The following CNTN1 variants were observed in gnomAD, a reference collection of about 807,000 sequenced individuals.
The protein encoded by CNTN1 is contactin 1.
In CNTN1, 38 loss-of-function variants were observed where a neutral mutation model predicts 126.4. That is an observed-to-expected ratio of 0.30 (90% CI 0.23 to 0.39). The LOEUF (loss-of-function observed/expected upper bound fraction) is 0.39, where lower values mean the gene tolerates loss of function less well. CNTN1 is among the 10% of genes least tolerant of loss of function. The pLI is 1.00. For missense variants in CNTN1, 1,009 were observed against 1,248.4 expected, an observed-to-expected ratio of 0.81 and a Z score of 2.89; for synonymous variants, 413 against 422.6, an observed-to-expected ratio of 0.98 and a Z score of 0.28.
chr12:41,049,744 A>AG (rs1390316254), intron 23 of CNTN1, among the ~76,000 whole-genome samples: 2 of 152,198 alleles, frequency 1.3e-5, no homozygotes, highest in African/African-American at 4.8e-5. Flanking sequence ...GGACTAGATC[A>AG]TATTCATATT....
intron 23 of CNTN1, among the ~76,000 whole-genome samples, chr12:41,053,419 T>G (rs1456932721): frequency 1.4e-5 from 1 of 72,228 alleles, no homozygotes; most frequent in African/African-American, 7.1e-5. Flanking sequence ...CTCTTTCATG[T>G]TTTCACTAAA....
chr12:41,061,299 G>T (rs896917425), intron 23 of CNTN1, among the ~76,000 whole-genome samples: 1 of 152,126 alleles, frequency 6.6e-6, no homozygotes, highest in African/African-American at 2.4e-5. Context: ...CACTCTATTG[G>T]AAATGCTCAC....
intron 1 of CNTN1, among the ~76,000 whole-genome samples, chr12:40,712,058 G>T (rs1450144700): frequency 6.6e-6 from 1 of 152,006 alleles, no homozygotes; most frequent in Non-Finnish European, 1.5e-5. Flanking sequence ...TTACTTCACG[G>T]TTCTTTGCCT....
chr12:40,839,645 A>T (rs1942201495), intron 1 of CNTN1, among the ~76,000 whole-genome samples: 1 of 152,210 alleles, frequency 6.6e-6, no homozygotes, highest in African/African-American at 2.4e-5. Flanking sequence ...AAAAAATGTC[A>T]GTCAAAAATG....
At position 41,054,062 on chromosome 12, in the gene CNTN1, A is replaced by G. The variant is rs547980747; in HGVS notation, c.2981-15897A>G. Among the ~76,000 whole-genome samples, 3 of 151,954 alleles carry G rather than the reference A, an allele frequency of 2.0e-5. No individual in the cohort carries two copies. The South Asian group carries it at 6.2e-4, about 31-fold the overall frequency. ...TTTAGAGGCTAATTCCCTTTCCTCAAAGAAAGAGAAGTTATATTATTCTCA... is the reference window on the plus strand; with the variant it reads ...TTTAGAGGCTAATTCCCTTTCCTCAGAGAAAGAGAAGTTATATTATTCTCA... On this transcript the variant is annotated intron_variant, in intron 23 of 23. Coordinates refer to ENST00000551295, the MANE Select transcript of CNTN1 (RefSeq NM_001843.4).
intron 1 of CNTN1, among the ~76,000 whole-genome samples, chr12:40,770,841 A>G (rs969002650): frequency 3.3e-5 from 5 of 152,138 alleles, no homozygotes; most frequent in African/African-American, 4.8e-5. Flanking sequence ...TCTAAAGCAC[A>G]TGGTATATGC....
At chr12:40,881,261 C>T (rs1410175747) in intron 1 of CNTN1, among the ~76,000 whole-genome samples, 2 of 151,842 alleles carry the variant, frequency 1.3e-5, no homozygotes, top group Non-Finnish European at 2.9e-5. Flanking sequence ...GATGAAAGAA[C>T]ACTTGGAGAG....
At chr12:40,776,609 A>G (rs1939586068) in intron 1 of CNTN1, among the ~76,000 whole-genome samples, 1 of 151,696 alleles carries the variant, frequency 6.6e-6, no homozygotes, top group African/African-American at 2.4e-5. Flanking sequence ...AACAAACAAA[A>G]ATCTTTCTCT....
intron 5 of CNTN1, among the ~76,000 whole-genome samples, chr12:40,922,651 C>CGTCTGAGGGTCCACTCATATTGTAAGG (rs1945488028): frequency 6.6e-6 from 1 of 152,000 alleles, no homozygotes; most frequent in African/African-American, 2.4e-5. Flanking sequence ...GGAAGGCCAG[C>CGTCTGAGGGTCCACTCATATTGTAAGG]GTCTGAGGAT....
intron 1 of CNTN1, among the ~76,000 whole-genome samples, chr12:40,811,795 G>A (rs768380486): frequency 1.2e-4 from 16 of 138,650 alleles, no homozygotes; most frequent in South Asian, 2.4e-4. Flanking sequence ...TTTTTCCTTC[G>A]TCTCACTGAA....
intron 1 of CNTN1, among the ~76,000 whole-genome samples, chr12:40,718,932 TC>T (rs1942120125): frequency 6.6e-6 from 1 of 152,158 alleles, no homozygotes; most frequent in African/African-American, 2.4e-5. Context: ...GAGAACATTT[TC>T]CAAAGATGCC....
chr12:40,998,481 C>A (rs1164972234), intron 17 of CNTN1, among the ~76,000 whole-genome samples: 1 of 152,104 alleles, frequency 6.6e-6, no homozygotes, highest in African/African-American at 2.4e-5. Flanking sequence ...TGAGACATAA[C>A]TATCTGTGAC....
At chr12:40,804,979 C>T (rs915912677) in intron 1 of CNTN1, among the ~76,000 whole-genome samples, 4 of 152,076 alleles carry the variant, frequency 2.6e-5, no homozygotes, top group Middle Eastern at 3.4e-3. Flanking sequence ...GATATCACTG[C>T]TGTGTCTTCT....
chr12:40,984,905 T>A (rs1947914917), intron 16 of CNTN1, among the ~76,000 whole-genome samples: 1 of 152,076 alleles, frequency 6.6e-6, no homozygotes, highest in East Asian at 1.9e-4. Flanking sequence ...ACAATTACTT[T>A]TAAATAAGTT....
At chr12:40,775,782 C>T (rs1261387939) in intron 1 of CNTN1, among the ~76,000 whole-genome samples, 1 of 151,496 alleles carries the variant, frequency 6.6e-6, no homozygotes, top group African/African-American at 2.4e-5. Flanking sequence ...AAGTTAGACA[C>T]AAATAACTAA....
At chr12:40,872,662 T>C (rs888309742) in intron 1 of CNTN1, among the ~76,000 whole-genome samples, 1 of 145,954 alleles carries the variant, frequency 6.9e-6, no homozygotes, top group African/African-American at 2.6e-5. Context: ...CCTCAGCCTC[T>C]TGGGTTCAAG....
intron 15 of CNTN1, among the ~76,000 whole-genome samples, chr12:40,959,720 T>C (rs1947040085): frequency 6.6e-6 from 1 of 152,098 alleles, no homozygotes; most frequent in Non-Finnish European, 1.5e-5. Flanking sequence ...TTTTCGTTCT[T>C]ATGAATAATA....
chr12:40,861,443 T>C (rs959242849), intron 1 of CNTN1, among the ~76,000 whole-genome samples: 10 of 152,192 alleles, frequency 6.6e-5, no homozygotes, highest in African/African-American at 1.9e-4. Context: ...TTTTAAAGTT[T>C]TTTAATGGAA....
intron 14 of CNTN1, among the ~76,000 whole-genome samples, chr12:40,951,715 T>TAAAAAAAAA (rs71078286): frequency 3.5e-4 from 38 of 109,792 alleles, no homozygotes; most frequent in Non-Finnish European, 6.2e-4. Flanking sequence ...TCTCAAAATT[T>TAAAAAAAAA]AAAAAAAAAA....
Sources: allele counts gnomAD v4.1 joint callset (sites outside exome capture counted in the v4.1 genomes callset), GRCh38; gene constraint gnomAD v4.1.1; transcripts MANE v1.5; gene names NCBI Gene and HGNC (gene_info 2026-07-23, HGNC 2026-07-21).